The following ERC1 variants were observed in gnomAD, a reference collection of about 807,000 sequenced individuals.
ERC1 encodes the protein RAB6 interacting protein 2.
Under a neutral mutation model 132.0 loss-of-function variants are expected in ERC1, and 56 were observed. The ratio of observed to expected loss-of-function variants is 0.42; its 90% CI spans 0.34 to 0.53. ERC1 has a LOEUF of 0.53. Ranked by LOEUF, ERC1 falls within the 20% of genes least tolerant of loss-of-function variation. The probability of loss-of-function intolerance (pLI) is 0.03; values close to 1 mark genes in which losing one functional copy is unlikely to be tolerated. For missense variants in ERC1, 1,202 were observed against 1,349.9 expected (o/e 0.89, Z 1.72); for synonymous variants, 478 against 476.1 (o/e 1.00, Z -0.05).
intron 16 of ERC1, among the ~76,000 whole-genome samples, chr12:1,403,402 A>G (rs188185026): frequency 3.7e-4 from 57 of 152,326 alleles, no homozygotes; most frequent in Admixed American, 2.4e-3. Context: ...AGAGCATACT[A>G]TGAGAGCCCC....
At chr12:1,454,971 G>T (rs1310430422) in intron 18 of ERC1, among the ~76,000 whole-genome samples, 1 of 152,172 alleles carries the variant, frequency 6.6e-6, no homozygotes, top group East Asian at 1.9e-4. Context: ...AGGGGCCTAA[G>T]CCCTAAAGAA....
intron 16 of ERC1, among the ~76,000 whole-genome samples, chr12:1,398,135 C>T (rs1352943216): frequency 6.6e-6 from 1 of 152,028 alleles, no homozygotes; most frequent in African/African-American, 2.4e-5. Context: ...GGGCACATGC[C>T]ACCGTGTCTG....
At chr12:1,091,997 A>T (rs1484444001) in intron 3 of ERC1, among the ~76,000 whole-genome samples, 1 of 109,484 alleles carries the variant, frequency 9.1e-6, no homozygotes, top group Admixed American at 1.1e-4. Context: ...GCATTTAATC[A>T]ATTCTTTTTT....
intron 8 of ERC1, among the ~76,000 whole-genome samples, chr12:1,159,131 C>T (rs1440487376): frequency 6.6e-6 from 1 of 152,154 alleles, no homozygotes; most frequent in Non-Finnish European, 1.5e-5. Context: ...GATTTCCTCT[C>T]AGGTAGCATG....
chr12:1,269,474 GC>G (rs1197408497), intron 14 of ERC1, among the ~76,000 whole-genome samples: 1 of 152,162 alleles, frequency 6.6e-6, no homozygotes, highest in African/African-American at 2.4e-5. Flanking sequence ...CAAGAACAGT[GC>G]AAGCTATGCA....
upstream of ERC1, chr12:990,934 C>CGT (rs758442595): frequency 0.16 from 16,110 of 99,246 alleles, 1,183 homozygotes; most frequent in African/African-American, 0.25. Flanking sequence ...CCGCAGGGGT[C>CGT]GTGTGTGTGT....
At chr12:1,118,538 A>G (rs907569938) in intron 7 of ERC1, among the ~76,000 whole-genome samples, 9 of 152,236 alleles carry the variant, frequency 5.9e-5, no homozygotes, top group African/African-American at 2.2e-4. Flanking sequence ...CCACTGCGCA[A>G]ATAGAACCAT....
At chr12:1,209,042 C>T (rs1957615298) in intron 12 of ERC1, among the ~76,000 whole-genome samples, 1 of 143,168 alleles carries the variant, frequency 7.0e-6, no homozygotes, top group South Asian at 2.3e-4. Context: ...GATCTCAGCT[C>T]ACTGCAACCT....
Position 1,408,195 on chromosome 12 carries a change from A to T in ERC1, c.2972A>T (p.His991Leu). 1 of 1,614,116 alleles carries T rather than the reference A, an allele frequency of 6.2e-7. No homozygotes were observed. The highest frequency in any genetic ancestry group is 2.2e-5 in the East Asian group (1 of 44,872). ...KLMADNYEDD[H>L]FKSSHSNQTN... ...ATGGCCGACAACTACGAGGATGACC[A>T]CTTCAAATCCTCCCATTCCAATCAA... Residue 991 changes from histidine (H) to leucine (L), a missense_variant, in exon 17 of 19, where the codon CAC (histidine) becomes CTC (leucine). His to Leu is a moderately conservative substitution (Grantham distance 99, BLOSUM62 -3). Coordinates refer to ENST00000360905, the MANE Select transcript of ERC1 (RefSeq NM_178040.4).
intron 3 of ERC1, among the ~76,000 whole-genome samples, chr12:1,094,763 G>T (rs1593251386): frequency 6.6e-6 from 1 of 152,018 alleles, no homozygotes; most frequent in African/African-American, 2.4e-5. Context: ...TTTTGACAAG[G>T]TGACATTTTC....
At chr12:1,273,257 T>G (rs1007854078) in intron 14 of ERC1, among the ~76,000 whole-genome samples, 3 of 152,204 alleles carry the variant, frequency 2.0e-5, no homozygotes, top group African/African-American at 7.2e-5. Context: ...TTGTTTAAAT[T>G]TATGACTTTT....
At chr12:1,146,307 G>GTTTTTTTTTTTTTTTTT (rs1346178811) in intron 8 of ERC1, among the ~76,000 whole-genome samples, 9 of 59,392 alleles carry the variant, frequency 1.5e-4, no homozygotes, top group Admixed American at 3.4e-4. Context: ...GTATTTTACT[G>GTTTTTTTTTTTTTTTTT]GTTTTTTTTT....
chr12:1,266,391 CTTTTTTTTTTTTTT>C lies in ERC1; in HGVS notation c.2619+3244_2619+3257del, dbSNP rs71293128. On this transcript the variant is annotated intron_variant, in intron 14 of 18. Coordinates refer to ENST00000360905, the MANE Select transcript of ERC1 (RefSeq NM_178040.4). ...TATTATTATTTTTATCGTTTCCTGTCTTTTTTTTTTTTTTTTTTTTTTTTTTTTTTTGAGATGGA... is the reference window on the plus strand; with the variant it reads ...TATTATTATTTTTATCGTTTCCTGTCTTTTTTTTTTTTTTTTTGAGATGGA... Among the ~76,000 whole-genome samples the C allele has an allele frequency of 1.1e-3, 47 of 42,992 alleles. 1 individual carries two copies. Among genetic ancestry groups the C allele is most frequent in the Admixed American group, 2.9e-3 (9 of 3,054 alleles). 28.2% of individuals were successfully genotyped at this position (42,992 alleles called of 152,430 possible).
chr12:1,075,253 C>T (rs1001289054), intron 2 of ERC1, among the ~76,000 whole-genome samples: 2 of 152,030 alleles, frequency 1.3e-5, no homozygotes, highest in East Asian at 3.8e-4. Context: ...AGTTTTGACA[C>T]CCCCCAAATT....
intron 7 of ERC1, among the ~76,000 whole-genome samples, chr12:1,128,740 T>C (rs1222342542): frequency 6.6e-6 from 1 of 152,088 alleles, no homozygotes; most frequent in African/African-American, 2.4e-5. Context: ...AAGAAATGAT[T>C]TAAAACGCGA....
intron 11 of ERC1, among the ~76,000 whole-genome samples, chr12:1,185,447 TA>T (rs63364460): frequency 0.41 from 61,494 of 151,018 alleles, 14,490 homozygotes; most frequent in African/African-American, 0.65. Context: ...ACCATTTTTT[TA>T]AACCGTTAAT....
chr12:1,485,305 A>G lies in ERC1; in HGVS notation c.3214-4788A>G, dbSNP rs542606546. Among the ~76,000 whole-genome samples the G allele has an allele frequency of 2.7e-5, 4 of 146,690 alleles. No homozygotes were observed. The South Asian group carries it at 8.6e-4, about 32-fold the overall frequency. On this transcript the variant is annotated intron_variant, in intron 18 of 18. Transcript: ENST00000360905. ...CTGCAACCTCCACCTCCTGGATTCA[A>G]GCAATTCTTCTGCCTCAGCCACCCA...
chr12:1,407,279 A>T (rs994715036), intron 16 of ERC1, among the ~76,000 whole-genome samples: 1 of 151,488 alleles, frequency 6.6e-6, no homozygotes, highest in African/African-American at 2.4e-5. Flanking sequence ...AAAGCTATTT[A>T]TATATATATA....
intron 11 of ERC1, among the ~76,000 whole-genome samples, chr12:1,184,892 A>G (rs1343415597): frequency 6.6e-6 from 1 of 152,118 alleles, no homozygotes; most frequent in Non-Finnish European, 1.5e-5. Flanking sequence ...AGCTGGGACT[A>G]CAGACCCATG....
Sources: allele counts gnomAD v4.1 joint callset (sites outside exome capture counted in the v4.1 genomes callset), GRCh38; gene constraint gnomAD v4.1.1; transcripts MANE v1.5; gene names NCBI Gene and HGNC (gene_info 2026-07-23, HGNC 2026-07-21).